MED13L: variants seen among roughly 807,000 people sequenced by gnomAD.
MED13L encodes the protein mediator of RNA polymerase II transcription subunit 13-like.
A neutral mutation model predicts 220.9 loss-of-function variants in MED13L; 7 were observed. The observed-to-expected ratio is 0.03, with a 90% CI of 0.02 to 0.06. The LOEUF is 0.06. Ranked by LOEUF, MED13L falls within the 10% of genes least tolerant of loss-of-function variation. The probability of loss-of-function intolerance (pLI) is 1.00; values close to 1 mark genes in which losing one functional copy is unlikely to be tolerated. For synonymous variants in MED13L, 1,011 were observed against 1,015.2 expected (o/e 1.00, Z 0.08); for missense variants, 1,965 against 2,760.5 (o/e 0.71, Z 6.46).
chr12:116,242,939 C>G (rs140798037), intron 1 of MED13L, among the ~76,000 whole-genome samples: 336 of 152,268 alleles, frequency 2.2e-3, no homozygotes, highest in African/African-American at 7.8e-3. Context: ...GTCATCAACT[C>G]AATTTAGCAA....
rs188906301 is a variant in MED13L at position 116,018,906 on chromosome 12, A to C, written c.1009+318T>G. 6.9e-3 allele frequency among the ~76,000 whole-genome samples: 957 copies of C among 138,180 alleles called. 10 individuals carry two copies. The highest frequency in any genetic ancestry group is 0.019 in the South Asian group (79 of 4,174). 90.7% of individuals were successfully genotyped at this position (138,180 alleles called of 152,430 possible). On this transcript the variant is annotated intron_variant, in intron 7 of 30. Transcript: ENST00000281928. ...TTCAGTTGTTCAAAATTAAAAAAAA[A>C]AAAAACAAAAAAAAACCCTACATTT...
chr12:116,145,130 A>C (rs1315816831), intron 2 of MED13L, among the ~76,000 whole-genome samples: 1 of 152,198 alleles, frequency 6.6e-6, no homozygotes, highest in Non-Finnish European at 1.5e-5. Context: ...GCCTCATACC[A>C]AACAGGGTAG....
At chr12:116,177,924 CG>C (rs1165575287) in intron 2 of MED13L, among the ~76,000 whole-genome samples, 1 of 152,134 alleles carries the variant, frequency 6.6e-6, no homozygotes, top group African/African-American at 2.4e-5. Context: ...GGCACAATCA[CG>C]GCTCACTGCA....
At chr12:116,104,256 T>C (rs1009568473) in intron 3 of MED13L, among the ~76,000 whole-genome samples, 1 of 152,026 alleles carries the variant, frequency 6.6e-6, no homozygotes, top group African/African-American at 2.4e-5. Context: ...GTGATCCACC[T>C]GTCTCGGCCT....
At chr12:116,172,676 C>T (rs908714712) in intron 2 of MED13L, among the ~76,000 whole-genome samples, 3 of 152,214 alleles carry the variant, frequency 2.0e-5, no homozygotes, top group South Asian at 2.1e-4. Context: ...AGTGACCTTA[C>T]GCTTTCACTT....
intron 1 of MED13L, among the ~76,000 whole-genome samples, chr12:116,252,398 G>A (rs1871638933): frequency 1.3e-5 from 2 of 152,034 alleles, no homozygotes; most frequent in African/African-American, 4.8e-5. Flanking sequence ...AATTAGCCAG[G>A]TGTGGTGGCA....
chr12:116,104,014 T>C (rs1388956666), intron 3 of MED13L, among the ~76,000 whole-genome samples: 2 of 140,028 alleles, frequency 1.4e-5, no homozygotes, highest in South Asian at 2.5e-4. Flanking sequence ...TTTTTTTTTT[T>C]TTTTTTTTTT....
intron 2 of MED13L, among the ~76,000 whole-genome samples, chr12:116,214,171 T>C (rs1882869989): frequency 6.6e-6 from 1 of 152,210 alleles, no homozygotes; most frequent in South Asian, 2.1e-4. Flanking sequence ...TTAGGATTCC[T>C]TAGTAATATA....
intron 4 of MED13L, among the ~76,000 whole-genome samples, chr12:116,083,204 C>A (rs1316687823): frequency 6.6e-6 from 1 of 151,762 alleles, no homozygotes. Context: ...GCCAGGAGTT[C>A]GAGACCAGCC....
chr12:116,208,401 C>CAT (rs1882490582), intron 2 of MED13L, among the ~76,000 whole-genome samples: 3 of 152,206 alleles, frequency 2.0e-5, no homozygotes, highest in Admixed American at 6.5e-5. Context: ...CGTCTCAAAA[C>CAT]AAAAGGATAA....
intron 2 of MED13L, among the ~76,000 whole-genome samples, chr12:116,116,349 C>T (rs376004381): frequency 6.6e-6 from 1 of 152,004 alleles, no homozygotes; most frequent in East Asian, 1.9e-4. Flanking sequence ...ACGAAGCTTT[C>T]ATAAAAACCC....
At chr12:116,048,017 G>A (rs1881940099) in intron 4 of MED13L, among the ~76,000 whole-genome samples, 1 of 151,288 alleles carries the variant, frequency 6.6e-6, no homozygotes, top group Non-Finnish European at 1.5e-5. Flanking sequence ...TACCTGCAAA[G>A]ATCAAAGATA....
rs1480267853 is a variant in MED13L, at chr12:115,987,168, T to C, written c.4055A>G (p.His1352Arg). ...RTGRTWENIQ[H>R]VQGPLTWQQF... ...CTGCCAAGTGAGTGGTCCCTGCACA[T>C]GCTGGATGTTCTCCCAGGTCCTGCC... Residue 1352 changes from histidine (H) to arginine (R), a missense_variant, in exon 18 of 31, where the codon CAT (histidine) becomes CGT (arginine). By Grantham distance (29) the His-to-Arg change is conservative (BLOSUM62 0). Transcript: ENST00000281928. The C allele has an allele frequency of 1.9e-6, 3 of 1,614,166 alleles. No individual in the cohort carries two copies. Among genetic ancestry groups the C allele is most frequent in the Admixed American group, 3.3e-5 (2 of 60,020 alleles).
intron 7 of MED13L, 78 bp downstream of exon 7, chr12:116,019,146 C>T: frequency 7.1e-7 from 1 of 1,417,720 alleles, no homozygotes; most frequent in Middle Eastern, 2.5e-4. Context: ...TTTCTGTTTT[C>T]TCACCTGTTC....
At chr12:116,029,245 GAAA>G (rs34603122) in intron 4 of MED13L, among the ~76,000 whole-genome samples, 1 of 134,134 alleles carries the variant, frequency 7.5e-6, no homozygotes, top group African/African-American at 2.8e-5. Flanking sequence ...AAGCTTCTCT[GAAA>G]AAAAAAAAAG....
At chr12:116,094,485 T>G (rs538827776) in intron 4 of MED13L, among the ~76,000 whole-genome samples, 1 of 152,222 alleles carries the variant, frequency 6.6e-6, no homozygotes, top group African/African-American at 2.4e-5. Context: ...ATGAAGATTT[T>G]TGGAGCCAAA....
chr12:116,083,215 T>A (rs1474292008), intron 4 of MED13L, among the ~76,000 whole-genome samples: 1 of 152,018 alleles, frequency 6.6e-6, no homozygotes. Flanking sequence ...GAGACCAGCC[T>A]GGCCATCTGG....
chr12:116,236,246 T>A (rs1311648465), intron 2 of MED13L, among the ~76,000 whole-genome samples: 1 of 152,182 alleles, frequency 6.6e-6, no homozygotes, highest in Non-Finnish European at 1.5e-5. Context: ...CTCTTATTTA[T>A]AGACCAAATA....
chr12:116,100,492 CG>C (rs943596674), intron 3 of MED13L, among the ~76,000 whole-genome samples: 2 of 147,702 alleles, frequency 1.4e-5, no homozygotes, highest in Non-Finnish European at 3.0e-5. Flanking sequence ...CCCACCTACT[CG>C]GGAGGCTGGA....
Sources: gnomAD v4.1 joint callset for allele counts (sites outside exome capture counted in the v4.1 genomes callset) on GRCh38, gnomAD v4.1.1 for gene constraint, MANE v1.5 for transcripts, NCBI Gene and HGNC (gene_info 2026-07-23, HGNC 2026-07-21) for gene names.